The following PCDH7 variants were observed in gnomAD, a reference collection of about 807,000 sequenced individuals.
The protein encoded by PCDH7 is protocadherin-7.
PCDH7 carries 17 observed loss-of-function variants against 58.9 expected under a neutral mutation model. That is an observed-to-expected ratio of 0.29 (90% CI 0.20 to 0.43). The LOEUF (loss-of-function observed/expected upper bound fraction) is 0.43, where lower values mean the gene tolerates loss of function less well. Ranked by LOEUF, PCDH7 falls within the 20% of genes least tolerant of loss-of-function variation. The pLI is 1.00. For synonymous variants in PCDH7, 664 were observed against 616.4 expected, an observed-to-expected ratio of 1.08 and a Z score of -1.14; for missense variants, 1,274 against 1,441.0, an observed-to-expected ratio of 0.88 and a Z score of 1.88.
At chr4:30,750,396 C>G (rs978344512) in intron 1 of PCDH7, among the ~76,000 whole-genome samples, 15 of 152,086 alleles carry the variant, frequency 9.9e-5, no homozygotes, top group Non-Finnish European at 1.9e-4. Flanking sequence ...GGGCATAGAA[C>G]ATGATCACAA....
intron 3 of PCDH7, among the ~76,000 whole-genome samples, chr4:30,970,557 T>C (rs1749494933): frequency 6.6e-6 from 1 of 152,210 alleles, no homozygotes; most frequent in African/African-American, 2.4e-5. Context: ...CCTCCCAAAG[T>C]GCTGGGATTA....
intron 3 of PCDH7, among the ~76,000 whole-genome samples, chr4:31,103,468 G>T (rs181835503): frequency 6.6e-6 from 1 of 152,014 alleles, no homozygotes; most frequent in Non-Finnish European, 1.5e-5. Context: ...CCAAGTAGCT[G>T]GGATTACAGG....
At chr4:30,963,438 A>G (rs1748671802) in intron 3 of PCDH7, among the ~76,000 whole-genome samples, 1 of 152,186 alleles carries the variant, frequency 6.6e-6, no homozygotes, top group Admixed American at 6.5e-5. Flanking sequence ...TTGCATCATT[A>G]TAATATGATA....
intron 1 of PCDH7, among the ~76,000 whole-genome samples, chr4:30,755,177 C>T (rs192331741): frequency 5.3e-4 from 80 of 152,228 alleles, no homozygotes; most frequent in Non-Finnish European, 1.3e-4. Flanking sequence ...TGCGTGCCAT[C>T]CTATAATATT....
At chr4:30,850,897 T>C (rs532656604) in intron 1 of PCDH7, among the ~76,000 whole-genome samples, 24 of 152,134 alleles carry the variant, frequency 1.6e-4, no homozygotes, top group Non-Finnish European at 3.1e-4. Flanking sequence ...TGATCCTCCT[T>C]GGCTCCCTGC....
intron 1 of PCDH7, among the ~76,000 whole-genome samples, chr4:30,812,964 T>A (rs902330251): frequency 2.0e-5 from 3 of 152,218 alleles, no homozygotes; most frequent in African/African-American, 7.2e-5. Context: ...GAAGATATAT[T>A]GGGCTTCTGG....
intron 1 of PCDH7, chr4:30,725,461 G>C: frequency 5.0e-6 from 1 of 201,004 alleles, no homozygotes; most frequent in African/African-American, 2.4e-5. Flanking sequence ...GTTTCTCAGT[G>C]AAATGTGGAA....
chr4:31,129,368 ACAAGT>A (rs944638557), intron 3 of PCDH7, among the ~76,000 whole-genome samples: 23 of 152,186 alleles, frequency 1.5e-4, no homozygotes, highest in African/African-American at 5.5e-4. Context: ...GAGACAGATA[ACAAGT>A]CAAGGAATAG....
chr4:31,022,543 C>T (rs947500958), intron 3 of PCDH7, among the ~76,000 whole-genome samples: 1 of 152,068 alleles, frequency 6.6e-6, no homozygotes, highest in East Asian at 1.9e-4. Flanking sequence ...TTAATTGAAA[C>T]GTACTCTTGG....
intron 2 of PCDH7, among the ~76,000 whole-genome samples, chr4:30,949,650 T>A (rs1294222755): frequency 2.6e-5 from 4 of 152,148 alleles, no homozygotes; most frequent in Admixed American, 6.5e-5. Context: ...ATGTCAAAAT[T>A]ACATGTCCTT....
intron 1 of PCDH7, among the ~76,000 whole-genome samples, chr4:30,778,814 G>A (rs1353469882): frequency 1.3e-5 from 2 of 151,870 alleles, no homozygotes; most frequent in South Asian, 2.1e-4. Flanking sequence ...AATCTTCAAC[G>A]TCTTTGTGAT....
intron 1 of PCDH7, among the ~76,000 whole-genome samples, chr4:30,764,594 G>C (rs943549597): frequency 6.6e-6 from 1 of 152,176 alleles, no homozygotes; most frequent in African/African-American, 2.4e-5. Flanking sequence ...TAAATGCACT[G>C]TGTTAACTTT....
chr4:31,137,878 C>T (rs1283808453), intron 3 of PCDH7, among the ~76,000 whole-genome samples: 3 of 152,142 alleles, frequency 2.0e-5, no homozygotes, highest in Admixed American at 1.3e-4. Context: ...ATAACATGTT[C>T]ATACCTTCTC....
At chr4:31,088,556 T>TTA (rs1214420108) in intron 3 of PCDH7, among the ~76,000 whole-genome samples, 1 of 152,008 alleles carries the variant, frequency 6.6e-6, no homozygotes, top group African/African-American at 2.4e-5. Context: ...GAGTTATTAT[T>TTA]TAATGGCCTT....
intron 1 of PCDH7, among the ~76,000 whole-genome samples, chr4:30,805,533 A>G (rs1031214160): frequency 6.6e-6 from 1 of 152,232 alleles, no homozygotes; most frequent in Non-Finnish European, 1.5e-5. Context: ...ATAACTGCTC[A>G]TTATTAATTG....
intron 3 of PCDH7, among the ~76,000 whole-genome samples, chr4:31,117,553 G>A (rs61794136): frequency 0.03 from 4,564 of 151,896 alleles, 183 homozygotes; most frequent in East Asian, 0.19. Context: ...AGTTTTCTAG[G>A]CAAAATATTT....
chr4:30,846,003 AT>A (rs541779024), intron 1 of PCDH7, among the ~76,000 whole-genome samples: 102 of 152,300 alleles, frequency 6.7e-4, no homozygotes, highest in African/African-American at 2.4e-3. Context: ...TCTTGGAATT[AT>A]TGGTAGTCTA....
chr4:31,070,133 T>A (rs2109251462), intron 3 of PCDH7, among the ~76,000 whole-genome samples: 1 of 152,190 alleles, frequency 6.6e-6, no homozygotes, highest in Admixed American at 6.6e-5. Flanking sequence ...AATGCTGAAT[T>A]GATACAAAGT....
chr4:31,035,339 T>G (rs1755314379), intron 3 of PCDH7, among the ~76,000 whole-genome samples: 1 of 145,984 alleles, frequency 6.9e-6, no homozygotes, highest in South Asian at 2.3e-4. Context: ...CTGCAACCTC[T>G]GCTTACCGGG....
Sources: gnomAD v4.1 joint callset for allele counts (sites outside exome capture counted in the v4.1 genomes callset) on GRCh38, gnomAD v4.1.1 for gene constraint, MANE v1.5 for transcripts, NCBI Gene and HGNC (gene_info 2026-07-23, HGNC 2026-07-21) for gene names.